Variants in DEPDC4 observed in about 807,000 individuals in gnomAD.
DEPDC4 encodes DEP domain containing 4.
In DEPDC4, 52 loss-of-function variants were observed where a neutral mutation model predicts 52.0. That is an observed-to-expected ratio of 1.00 (90% CI 0.80 to 1.26). The LOEUF is 1.26. Among genes scored for constraint, DEPDC4 ranks in the 50% most tolerant of loss-of-function variants. The pLI is 0.00. For synonymous variants in DEPDC4, 201 were observed against 196.8 expected (o/e 1.02, Z -0.18); for missense variants, 530 against 546.9 (o/e 0.97, Z 0.31).
Position 100,240,140 on chromosome 12 carries a change from G to C in DEPDC4, c.*1752C>G, listed in dbSNP as rs2096152701. ...CCCTGTGATCAACAATATAAATTAAGATGACCACAAAATACTTTTTTCCTT... is the reference window on the plus strand; with the variant it reads ...CCCTGTGATCAACAATATAAATTAACATGACCACAAAATACTTTTTTCCTT... On this transcript the variant is annotated 3_prime_UTR_variant, in exon 10 of 10. Coordinates refer to ENST00000550587, the MANE Select transcript of DEPDC4 (RefSeq NM_001364818.2). Among the ~76,000 whole-genome samples the C allele has an allele frequency of 4.6e-5, 7 of 152,020 alleles. No individual in the cohort carries two copies. In the South Asian group the frequency reaches 1.5e-3, roughly 32 times the overall value.
downstream of DEPDC4, among the ~76,000 whole-genome samples, chr12:100,236,329 G>A (rs954827792): frequency 6.6e-6 from 1 of 151,970 alleles, no homozygotes; most frequent in Non-Finnish European, 1.5e-5. Context: ...AGTGTTCCTT[G>A]TTCACCACAT....
At chr12:100,246,126 T>G (rs2096184321) in intron 8 of DEPDC4, among the ~76,000 whole-genome samples, 2 of 151,124 alleles carry the variant, frequency 1.3e-5, no homozygotes, top group Admixed American at 6.6e-5. Context: ...CGCCTGGGTT[T>G]TTTTTTTTTT....
chr12:100,245,096 T>C (rs533282591), intron 8 of DEPDC4, among the ~76,000 whole-genome samples: 117 of 151,436 alleles, frequency 7.7e-4, no homozygotes, highest in African/African-American at 2.8e-3. Context: ...GGTCTCAAAC[T>C]CCTGACCTTG....
rs1555312803 is a variant in DEPDC4, at chr12:100,259,081, A to ATATATATATATATAT, written c.701-2856_701-2855insATATATATATATATA. Among the ~76,000 whole-genome samples the ATATATATATATATAT allele has an allele frequency of 9.8e-4, 146 of 149,176 alleles. 1 individual carries two copies. The highest frequency in any genetic ancestry group is 6.8e-3 in the Middle Eastern group (2 of 292). ...GCAAAAATCTGTCTCAAAAAAAAAA[A>ATATATATATATATAT]ATATATATATATATCCCATGTACCC... On this transcript the variant is annotated intron_variant, in intron 3 of 9. Coordinates refer to ENST00000550587, the MANE Select transcript of DEPDC4 (RefSeq NM_001364818.2).
chr12:100,271,686 G>C (rs1017775589), upstream of DEPDC4, among the ~76,000 whole-genome samples: 3 of 152,184 alleles, frequency 2.0e-5, no homozygotes, highest in South Asian at 2.1e-4. Context: ...TTCATTGCCA[G>C]ATGTAATTAC....
At chr12:100,268,225 T>C (rs115873722), upstream of DEPDC4, among the ~76,000 whole-genome samples, 932 of 152,292 alleles carry the variant, frequency 6.1e-3, 2 homozygotes, top group Middle Eastern at 0.017. Flanking sequence ...GTGATGACAC[T>C]TTCTAAAAAC....
chr12:100,252,643 C>T, intron 5 of DEPDC4, 107 bp from the exon 6 acceptor site: 1 of 1,119,920 alleles, frequency 8.9e-7, no homozygotes, highest in Non-Finnish European at 1.2e-6. Flanking sequence ...TATTAGTTTG[C>T]AGGTTCTTTT....
intron 9 of DEPDC4, 25 bp from the exon 10 acceptor site, chr12:100,241,870 A>C (rs2096160665): frequency 8.4e-7 from 1 of 1,193,534 alleles, no homozygotes; most frequent in Non-Finnish European, 1.1e-6. Context: ...AAAAAACAAA[A>C]GAAAAAGAAA....
chr12:100,263,049 C>T (rs1027585639), intron 2 of DEPDC4, among the ~76,000 whole-genome samples: 12 of 152,282 alleles, frequency 7.9e-5, no homozygotes, highest in African/African-American at 2.6e-4. Flanking sequence ...CCTCCACCTC[C>T]CCAGCTCAAG....
chr12:100,250,785 C>T (rs7133750), intron 7 of DEPDC4, among the ~76,000 whole-genome samples: 4,878 of 152,030 alleles, frequency 0.032, 240 homozygotes, highest in African/African-American at 0.11. Context: ...AGAAAAACTA[C>T]ATATGAGAAT....
rs1007456654 is a variant in DEPDC4 at position 100,263,762 on chromosome 12, C to T, written c.289G>A (p.Val97Ile). Residue 97 changes from valine to isoleucine, a missense_variant, in exon 2 of 10, where the codon GTC becomes ATC. Transcript: ENST00000550587. ...YKDCFTGSDA[V>I]DVVLSHLMQN... is the part of the protein sequence containing the mutation. ...ATAAGATGACTTAAGACCACATCGA[C>T]AGCATCAGAACCAGTGAAACAGTCT... The T allele has an allele frequency of 1.2e-5, 19 of 1,614,030 alleles. No individual in the cohort carries two copies. The highest frequency in any genetic ancestry group is 1.4e-5 in the Non-Finnish European group (16 of 1,180,016).
chr12:100,267,113 T>C, upstream of DEPDC4: 2 of 1,602,552 alleles, frequency 1.2e-6, no homozygotes, highest in Admixed American at 1.7e-5. Flanking sequence ...CGGAGAGAAG[T>C]ACTGGCTCCG....
chr12:100,238,819 TTAA>T (rs1328775548), downstream of DEPDC4, among the ~76,000 whole-genome samples: 2 of 152,094 alleles, frequency 1.3e-5, no homozygotes, highest in African/African-American at 4.8e-5. Flanking sequence ...ATTGGGATAT[TTAA>T]TAGTTTATCC....
chr12:100,269,135 C>T (rs1934530426), upstream of DEPDC4, among the ~76,000 whole-genome samples: 2 of 152,162 alleles, frequency 1.3e-5, no homozygotes, highest in South Asian at 4.1e-4. Flanking sequence ...TGGCTTCTCA[C>T]CATTTTTAAG....
chr12:100,241,774 G>A lies in DEPDC4; in HGVS notation c.*118C>T. ...CTATTAATCTCAAGAGCCAACTGGT[G>A]TAGATACTGAATTGTCCTTCCCTTC... On this transcript the variant is annotated 3_prime_UTR_variant, in exon 10 of 10. Coordinates refer to ENST00000550587, the MANE Select transcript of DEPDC4 (RefSeq NM_001364818.2). The A allele has an allele frequency of 7.8e-7, 1 of 1,274,112 alleles. No homozygotes were observed. Among genetic ancestry groups the A allele is most frequent in the Non-Finnish European group, 1.0e-6 (1 of 981,554 alleles). 78.9% of individuals were successfully genotyped at this position (1,274,112 alleles called of 1,614,324 possible).
chr12:100,246,284 C>T (rs1394131294), intron 8 of DEPDC4, among the ~76,000 whole-genome samples: 1 of 152,122 alleles, frequency 6.6e-6, no homozygotes, highest in Non-Finnish European at 1.5e-5. Flanking sequence ...CTTTGATTCC[C>T]TCAGACTAGG....
chr12:100,243,172 A>G (rs919723123), intron 8 of DEPDC4, among the ~76,000 whole-genome samples: 3 of 152,194 alleles, frequency 2.0e-5, no homozygotes, highest in African/African-American at 7.2e-5. Context: ...TTCTTAAAAT[A>G]TCTTATTGTA....
At chr12:100,277,380 ATT>A in the DEPDC4 span, among the ~76,000 whole-genome samples, 2 of 151,998 alleles carry the variant, frequency 1.3e-5, no homozygotes, top group Non-Finnish European at 2.9e-5. Context: ...ATAATTATGA[ATT>A]TGTCTATTTC....
chr12:100,247,415 A>C (rs1177024163), intron 8 of DEPDC4, among the ~76,000 whole-genome samples: 1 of 152,046 alleles, frequency 6.6e-6, no homozygotes, highest in African/African-American at 2.4e-5. Context: ...CACATTGGCC[A>C]GGCTGGTCTC....
Sources: allele counts gnomAD v4.1 joint callset (sites outside exome capture counted in the v4.1 genomes callset), GRCh38; gene constraint gnomAD v4.1.1; transcripts MANE v1.5; gene names NCBI Gene and HGNC (gene_info 2026-07-23, HGNC 2026-07-21).